The following OLA1 variants were observed in gnomAD, a reference collection of about 807,000 sequenced individuals.
OLA1 encodes the protein obg-like ATPase 1.
OLA1 carries 14 observed loss-of-function variants against 48.4 expected under a neutral mutation model. The observed-to-expected ratio is 0.29, with a 90% CI of 0.19 to 0.45. The LOEUF is 0.45. Among genes scored for constraint, OLA1 ranks in the 20% least tolerant of loss-of-function variants. The pLI, the probability that OLA1 is intolerant of heterozygous loss-of-function variation, is 1.00. For synonymous variants in OLA1, 127 were observed against 150.4 expected (o/e 0.84, Z 1.14); for missense variants, 325 against 467.1 (o/e 0.70, Z 2.80).
intron 2 of OLA1, among the ~76,000 whole-genome samples, chr2:174,235,946 G>C (rs180736385): frequency 1.0e-3 from 155 of 152,244 alleles, no homozygotes; most frequent in African/African-American, 2.8e-3. Context: ...AATTTGGATA[G>C]AGTCCTCAAA....
chr2:174,137,450 C>T (rs1686336202), intron 5 of OLA1, among the ~76,000 whole-genome samples: 1 of 152,216 alleles, frequency 6.6e-6, no homozygotes, highest in Non-Finnish European at 1.5e-5. Context: ...AAGTCACCAA[C>T]CGCATTAGCC....
At chr2:174,204,896 T>A (rs1293799540) in intron 4 of OLA1, among the ~76,000 whole-genome samples, 1 of 152,186 alleles carries the variant, frequency 6.6e-6, no homozygotes, top group Non-Finnish European at 1.5e-5. Flanking sequence ...GGTAATAATA[T>A]GAAATTCATA....
chr2:174,169,654 T>C (rs1303673066), intron 4 of OLA1, among the ~76,000 whole-genome samples: 1 of 152,220 alleles, frequency 6.6e-6, no homozygotes, highest in Non-Finnish European at 1.5e-5. Context: ...CCCTGCGCTA[T>C]AATTAATGCT....
At chr2:174,245,900 AAAG>A (rs1475707421) in intron 2 of OLA1, among the ~76,000 whole-genome samples, 6 of 152,022 alleles carry the variant, frequency 3.9e-5, no homozygotes, top group East Asian at 3.9e-4. Flanking sequence ...TCTCAAAAAA[AAAG>A]AAGACTTTGA....
At chr2:174,159,551 T>G (rs187094623) in intron 4 of OLA1, among the ~76,000 whole-genome samples, 1 of 152,146 alleles carries the variant, frequency 6.6e-6, no homozygotes, top group Admixed American at 6.5e-5. Context: ...TACATTTATT[T>G]TGGATTTTAA....
chr2:174,121,529 A>C (rs1231924644), intron 7 of OLA1, among the ~76,000 whole-genome samples: 1 of 152,062 alleles, frequency 6.6e-6, no homozygotes, highest in African/African-American at 2.4e-5. Context: ...CCTCCCCCCA[A>C]GACATACACA....
chr2:174,226,302 C>T (rs1259199363), intron 3 of OLA1, among the ~76,000 whole-genome samples: 7 of 151,662 alleles, frequency 4.6e-5, no homozygotes, highest in Non-Finnish European at 4.4e-5. Context: ...AAAATTAAAA[C>T]TTGAGATTTA....
At position 174,075,273 on chromosome 2, in the gene OLA1, G is replaced by A; in HGVS notation, c.*153C>T. ...TTTCATGGGGGGGGGGGGGTACACA[G>A]TATTTTAATTTTAAAACAAATAAAA... is the stretch of plus-strand genomic sequence containing the variant. On this transcript the variant is annotated 3_prime_UTR_variant, in exon 11 of 11. Coordinates refer to ENST00000284719, the MANE Select transcript of OLA1 (RefSeq NM_013341.5). 2.1e-6 allele frequency: 1 copy of A among 481,680 alleles called. No individual in the cohort carries two copies. Among genetic ancestry groups the A allele is most frequent in the South Asian group, 2.3e-5 (1 of 44,094 alleles). The allele number at this position is 481,680 out of a possible 1,614,324, so 29.8% of individuals were successfully genotyped here.
At chr2:174,160,686 C>T (rs529135852) in intron 4 of OLA1, among the ~76,000 whole-genome samples, 7 of 152,096 alleles carry the variant, frequency 4.6e-5, no homozygotes, top group Admixed American at 6.6e-5. Context: ...CTTTGTTTGG[C>T]GCCATGGTCC....
intron 4 of OLA1, among the ~76,000 whole-genome samples, chr2:174,206,418 GACTCTCCAGT>G (rs1193464167): frequency 1.3e-5 from 2 of 152,060 alleles, no homozygotes; most frequent in African/African-American, 4.8e-5. Flanking sequence ...AAGATCAAGA[GACTCTCCAGT>G]ACCTTAGAAG....
At chr2:174,198,119 C>T (rs112217985) in intron 4 of OLA1, among the ~76,000 whole-genome samples, 16,820 of 152,108 alleles carry the variant, frequency 0.11, 2,176 homozygotes, top group East Asian at 0.7. Context: ...CATGCCACCA[C>T]GTCCAGCTAA....
intron 7 of OLA1, among the ~76,000 whole-genome samples, chr2:174,112,411 T>G (rs1685674741): frequency 6.6e-6 from 1 of 152,162 alleles, no homozygotes; most frequent in Non-Finnish European, 1.5e-5. Context: ...TAAGGTCAAG[T>G]GTGAAGTGTT....
intron 7 of OLA1, among the ~76,000 whole-genome samples, chr2:174,087,733 A>T (rs1359163774): frequency 6.6e-6 from 1 of 152,152 alleles, no homozygotes; most frequent in Non-Finnish European, 1.5e-5. Flanking sequence ...TTAATAAGAA[A>T]CTTATTGTAT....
Position 174,142,503 on chromosome 2 carries a change from G to A in OLA1, c.374-503C>T, listed in dbSNP as rs1225928359. 3.9e-5 allele frequency among the ~76,000 whole-genome samples: 6 copies of A among 152,142 alleles called. No homozygotes were observed. In the East Asian group the frequency reaches 9.6e-4, roughly 24 times the overall value. On this transcript the variant is annotated intron_variant, in intron 4 of 10. Coordinates refer to ENST00000284719, the MANE Select transcript of OLA1 (RefSeq NM_013341.5). Reference sequence around the variant, plus strand: ...AATTTACACAGCAGCTAATTTCATCGGCCTGATTTGAGGGTATGGTTTTTA... The same window carrying A: ...AATTTACACAGCAGCTAATTTCATCAGCCTGATTTGAGGGTATGGTTTTTA...
At chr2:174,128,197 G>A (rs1009711583) in intron 5 of OLA1, among the ~76,000 whole-genome samples, 7 of 151,558 alleles carry the variant, frequency 4.6e-5, no homozygotes, top group Non-Finnish European at 8.8e-5. Flanking sequence ...GTTTGAGACC[G>A]TCTTGGGCAA....
intron 4 of OLA1, among the ~76,000 whole-genome samples, chr2:174,158,041 T>C (rs1385882927): frequency 6.6e-6 from 1 of 152,222 alleles, no homozygotes; most frequent in Non-Finnish European, 1.5e-5. Flanking sequence ...CTCAATACTT[T>C]TCTGATGTAA....
Position 174,174,068 on chromosome 2 carries a change from C to T in OLA1, c.374-32068G>A, listed in dbSNP as rs184168599. Among the ~76,000 whole-genome samples, 508 of 150,272 alleles carry T rather than the reference C, an allele frequency of 3.4e-3. 2 individuals carry two copies. The highest frequency in any genetic ancestry group is 6.8e-3 in the Middle Eastern group (2 of 292). On this transcript the variant is annotated intron_variant, in intron 4 of 10. Transcript: ENST00000284719. Reference sequence around the variant, plus strand: ...AAAAAAAAAACAAAAAAAAACTCCACGCCTAGATGGCTTTACTGGTAAATT... The same window carrying T: ...AAAAAAAAAACAAAAAAAAACTCCATGCCTAGATGGCTTTACTGGTAAATT...
intron 2 of OLA1, among the ~76,000 whole-genome samples, chr2:174,233,806 A>C (rs1688788157): frequency 6.6e-6 from 1 of 152,258 alleles, no homozygotes; most frequent in Admixed American, 6.5e-5. Flanking sequence ...AAACATTCAG[A>C]AACTGTCAAA....
intron 1 of OLA1, chr2:174,247,844 C>T (rs904186241): frequency 2.0e-6 from 3 of 1,509,700 alleles, no homozygotes; most frequent in African/African-American, 1.4e-5. Flanking sequence ...CTTACTAGTT[C>T]TGTCTCCAAA....
Sources: gnomAD v4.1 joint callset for allele counts (sites outside exome capture counted in the v4.1 genomes callset) on GRCh38, gnomAD v4.1.1 for gene constraint, MANE v1.5 for transcripts, NCBI Gene and HGNC (gene_info 2026-07-23, HGNC 2026-07-21) for gene names.